Variants in CNOT1 observed in about 807,000 individuals in gnomAD.
CNOT1 encodes the protein CCR4-NOT transcription complex subunit 1.
CNOT1 carries 15 observed loss-of-function variants against 273.8 expected under a neutral mutation model. The ratio of observed to expected loss-of-function variants is 0.05; its 90% confidence interval spans 0.04 to 0.08. CNOT1 has a LOEUF of 0.08. Ranked by LOEUF, CNOT1 falls within the 10% of genes least tolerant of loss-of-function variation. The pLI is 1.00. For synonymous variants in CNOT1, 1,022 were observed against 1,005.5 expected (o/e 1.02, Z -0.31); for missense variants, 1,644 against 2,912.2 (o/e 0.56, Z 10.02).
At chr16:58,579,597 A>G (rs753554187) in intron 12 of CNOT1, among the ~76,000 whole-genome samples, 7 of 152,172 alleles carry the variant, frequency 4.6e-5, no homozygotes, top group African/African-American at 1.7e-4. Flanking sequence ...AAAAGAACAC[A>G]CCACCACCAA....
chr16:58,595,155 T>C (rs1233702860), intron 2 of CNOT1, among the ~76,000 whole-genome samples: 1 of 151,652 alleles, frequency 6.6e-6, no homozygotes, highest in Non-Finnish European at 1.5e-5. Context: ...CTATGGATAT[T>C]TCATTTTTTT....
Position 58,534,408 on chromosome 16 carries a change from C to G in CNOT1, c.5647-13G>C. 1 of 1,608,726 alleles carries G rather than the reference C, an allele frequency of 6.2e-7. No individual in the cohort carries two copies. Among genetic ancestry groups the G allele is most frequent in the Non-Finnish European group, 8.5e-7 (1 of 1,177,190 alleles). ...CTTGCTGGTGCATCTACAACAGGAACAAAAAATAAAGACACAATGAGGTAA... is the reference window on the plus strand; with the variant it reads ...CTTGCTGGTGCATCTACAACAGGAAGAAAAAATAAAGACACAATGAGGTAA... On this transcript the variant is annotated splice_polypyrimidine_tract_variant and intron_variant, in intron 39 of 48. Coordinates refer to ENST00000317147, the MANE Select transcript of CNOT1 (RefSeq NM_016284.5).
chr16:58,621,910 CAAAAAAAAAAAAAA>C (rs58087048), intron 1 of CNOT1, among the ~76,000 whole-genome samples: 2 of 85,350 alleles, frequency 2.3e-5, no homozygotes, highest in African/African-American at 4.6e-5. Context: ...GACTCCGTCT[CAAAAAAAAAAAAAA>C]AAAAAAAAAA....
At chr16:58,572,996 G>GA (rs888551691) in intron 16 of CNOT1, among the ~76,000 whole-genome samples, 2 of 151,096 alleles carry the variant, frequency 1.3e-5, no homozygotes, top group Non-Finnish European at 3.0e-5. Context: ...CACTGAAAAT[G>GA]AAAAAATATC....
At chr16:58,550,125 T>C (rs2040403230) in intron 24 of CNOT1, among the ~76,000 whole-genome samples, 2 of 152,224 alleles carry the variant, frequency 1.3e-5, no homozygotes, top group Admixed American at 1.3e-4. Flanking sequence ...TCTATGGCTA[T>C]TTTCAGCTTT....
chr16:58,624,920 C>A (rs2043499655), intron 1 of CNOT1: 1 of 151,894 alleles, frequency 6.6e-6, no homozygotes, highest in Non-Finnish European at 1.5e-5. Flanking sequence ...TTGCTACATT[C>A]TTGCAAATTT....
intron 16 of CNOT1, among the ~76,000 whole-genome samples, chr16:58,566,031 C>A (rs1484624450): frequency 6.6e-6 from 1 of 151,750 alleles, no homozygotes; most frequent in East Asian, 1.9e-4. Context: ...GGTATTATAA[C>A]CTTACAGAAT....
Position 58,547,522 on chromosome 16 carries a change from T to C in CNOT1, c.3639+44A>G, listed in dbSNP as rs1286902967. 1.9e-6 allele frequency: 3 copies of C among 1,575,722 alleles called. No individual in the cohort carries two copies. Among genetic ancestry groups the C allele is most frequent in the Non-Finnish European group, 1.7e-6 (2 of 1,159,432 alleles). On this transcript the variant is annotated intron_variant, in intron 26 of 48. Transcript: ENST00000317147. This position sits in a 1 kb window ranked among gnomAD's most constrained non-coding sequence, Gnocchi z 4.0. ...AAACAGCCAATACTTGTAATCATAA[T>C]GTGCTGAAGATTCTCAATTTTTACA...
chr16:58,525,878 T>A, intron 45 of CNOT1, 111 bp downstream of exon 45: 1 of 866,442 alleles, frequency 1.2e-6, no homozygotes, highest in Admixed American at 2.4e-5. Flanking sequence ...CTCACCCAAT[T>A]GATGGAAATG....
At position 58,520,163 on chromosome 16, in the gene CNOT1, G is replaced by GGA. The variant is rs1296156757; in HGVS notation, c.*793_*794dup. On this transcript the variant is annotated 3_prime_UTR_variant, in exon 49 of 49. Coordinates refer to ENST00000317147, the MANE Select transcript of CNOT1 (RefSeq NM_016284.5). Reference sequence around the variant, plus strand: ...GCCATTCATTCAGTGGGGTAATGGGGGAGAACAATTAATTAATGAGATTTG... The same window carrying GGA: ...GCCATTCATTCAGTGGGGTAATGGGGGAGAGAACAATTAATTAATGAGATTTG... The GGA allele has an allele frequency of 6.6e-6, 1 of 152,086 alleles. No homozygotes were observed. The highest frequency in any genetic ancestry group is 6.5e-5 in the Admixed American group (1 of 15,276). 9.4% of individuals were successfully genotyped at this position (152,086 alleles called of 1,614,324 possible).
At chr16:58,524,594 T>TA (rs572052631) in intron 46 of CNOT1, among the ~76,000 whole-genome samples, 21 of 152,224 alleles carry the variant, frequency 1.4e-4, no homozygotes, top group African/African-American at 4.1e-4. Flanking sequence ...ATAGCAAAGT[T>TA]AAAGAGTAGT....
chr16:58,532,252 G>A lies in CNOT1; in HGVS notation c.6039C>T (p.Phe2013=), dbSNP rs1376204441. ...CTCACCAGAAAGCTGTAAGTGTCTG[G>A]AAATTAATGGTTTCCAACACATGCT... The part of the protein sequence containing the change: ...APEHVLETIN[F]QTLTAFCNTF... Residue 2013 remains phenylalanine, a synonymous_variant, in exon 41 of 49, where the codon TTC becomes TTT. Transcript: ENST00000317147. 4 of 1,614,052 alleles carry A rather than the reference G, an allele frequency of 2.5e-6. No individual in the cohort carries two copies. The highest frequency in any genetic ancestry group is 2.2e-5 in the East Asian group (1 of 44,864).
intron 15 of CNOT1, 22 bp from the exon 16 acceptor site, chr16:58,574,782 C>A: frequency 6.3e-7 from 1 of 1,584,542 alleles, no homozygotes; most frequent in South Asian, 1.2e-5. Flanking sequence ...AAAAGTCTCT[C>A]AGTGTATTTA....
intron 1 of CNOT1, among the ~76,000 whole-genome samples, chr16:58,619,716 G>A (rs1013604588): frequency 3.3e-5 from 5 of 152,042 alleles, no homozygotes; most frequent in Non-Finnish European, 4.4e-5. Context: ...GAGCCACCGC[G>A]CGTAGCCAAG....
At chr16:58,550,987 T>C (rs2040432278) in intron 24 of CNOT1, 145 bp downstream of exon 24, 2 of 1,420,272 alleles carry the variant, frequency 1.4e-6, no homozygotes, top group Non-Finnish European at 1.9e-6. Context: ...ATTTAATGTC[T>C]ACCAAACCCA....
chr16:58,596,624 A>C (rs2042259143), intron 2 of CNOT1, among the ~76,000 whole-genome samples: 1 of 152,130 alleles, frequency 6.6e-6, no homozygotes, highest in Non-Finnish European at 1.5e-5. Context: ...ACAGTGGCTC[A>C]TGCCTGTAAT....
intron 43 of CNOT1, among the ~76,000 whole-genome samples, chr16:58,529,960 G>A (rs528263246): frequency 8.6e-5 from 13 of 152,042 alleles, no homozygotes; most frequent in African/African-American, 2.7e-4. Flanking sequence ...ATAATACCAG[G>A]TATGGCAAGA....
At chr16:58,560,449 T>G (rs1457139882) in intron 16 of CNOT1, 87 bp from the exon 17 acceptor site, 2 of 1,428,244 alleles carry the variant, frequency 1.4e-6, no homozygotes, top group Non-Finnish European at 1.9e-6. Context: ...TTTTTTTTTT[T>G]TAAGATGGAG....
rs887351155 is a variant in CNOT1, at chr16:58,584,362, G to A, written c.806+976C>T. On this transcript the variant is annotated intron_variant, in intron 8 of 48. Transcript: ENST00000317147. ...TCTCGCTTTTTTTTGACGAAGTCTC[G>A]CTTTGTTGCCCAGGCTAGAGTGCAG... Among the ~76,000 whole-genome samples, 7 of 151,252 alleles carry A rather than the reference G, an allele frequency of 4.6e-5. No homozygotes were observed. In the South Asian group the frequency reaches 6.3e-4, roughly 14 times the overall value.
Sources: allele counts gnomAD v4.1 joint callset (sites outside exome capture counted in the v4.1 genomes callset), GRCh38; gene constraint gnomAD v4.1.1; non-coding constraint Gnocchi (gnomAD v3.1); transcripts MANE v1.5; gene names NCBI Gene and HGNC (gene_info 2026-07-23, HGNC 2026-07-21).